The following PPARGC1A variants were observed in gnomAD, a reference collection of about 807,000 sequenced individuals.
The protein encoded by PPARGC1A is PPARG coactivator 1 alpha.
Under a neutral mutation model 88.7 loss-of-function variants are expected in PPARGC1A, and 25 were observed. The ratio of observed to expected loss-of-function variants is 0.28; its 90% CI spans 0.21 to 0.39. The LOEUF (loss-of-function observed/expected upper bound fraction) is 0.39, where lower values mean the gene tolerates loss of function less well. PPARGC1A is among the 10% of genes least tolerant of loss of function. The pLI, the probability that PPARGC1A is intolerant of heterozygous loss-of-function variation, is 1.00. For missense variants in PPARGC1A, 880 were observed against 968.7 expected, an observed-to-expected ratio of 0.91 and a Z score of 1.22; for synonymous variants, 363 against 355.6, an observed-to-expected ratio of 1.02 and a Z score of -0.24.
the PPARGC1A span, among the ~76,000 whole-genome samples, chr4:24,173,454 C>T: frequency 2.0e-5 from 3 of 151,982 alleles, no homozygotes; most frequent in Non-Finnish European, 2.9e-5. Flanking sequence ...TCCAGCTACT[C>T]GGGAGGCTGA....
chr4:23,818,038 T>G (rs1722301018), intron 7 of PPARGC1A, among the ~76,000 whole-genome samples: 1 of 152,170 alleles, frequency 6.6e-6, no homozygotes, highest in Non-Finnish European at 1.5e-5. Context: ...GGGAGGTCAG[T>G]GCTCAATCCC....
the PPARGC1A span, among the ~76,000 whole-genome samples, chr4:24,283,982 T>C: frequency 1.3e-5 from 2 of 152,044 alleles, no homozygotes; most frequent in Non-Finnish European, 1.5e-5. Context: ...GGGAGGCTAC[T>C]TAAAAGGCAT....
the PPARGC1A span, among the ~76,000 whole-genome samples, chr4:24,020,142 G>C: frequency 6.6e-6 from 1 of 152,064 alleles, no homozygotes; most frequent in Non-Finnish European, 1.5e-5. Flanking sequence ...TTTCAAAGAG[G>C]AACTGCAATA....
At chr4:24,290,563 G>A in the PPARGC1A span, among the ~76,000 whole-genome samples, 5 of 152,062 alleles carry the variant, frequency 3.3e-5, no homozygotes, top group East Asian at 7.7e-4. Context: ...TGAACACGGT[G>A]CCATCCCAAA....
At chr4:23,874,281 TTG>T (rs1336346188) in intron 2 of PPARGC1A, among the ~76,000 whole-genome samples, 2 of 152,180 alleles carry the variant, frequency 1.3e-5, no homozygotes, top group Non-Finnish European at 2.9e-5. Context: ...GCTTGGTTGT[TTG>T]TGTTCTGATG....
chr4:24,303,783 A>C, the PPARGC1A span, among the ~76,000 whole-genome samples: 2 of 152,208 alleles, frequency 1.3e-5, no homozygotes, highest in Non-Finnish European at 2.9e-5. Context: ...TGTACAAAAG[A>C]AGAAGAAAAA....
At chr4:24,324,859 C>A in the PPARGC1A span, among the ~76,000 whole-genome samples, 1 of 152,112 alleles carries the variant, frequency 6.6e-6, no homozygotes, top group Admixed American at 6.5e-5. Flanking sequence ...TCTTTATAAT[C>A]TTCCTTTTCT....
the PPARGC1A span, among the ~76,000 whole-genome samples, chr4:24,369,816 G>A: frequency 1.3e-5 from 2 of 152,150 alleles, no homozygotes; most frequent in East Asian, 1.9e-4. Flanking sequence ...CAAGACTTTC[G>A]TGCCCGCCAA....
At chr4:24,316,253 C>T in the PPARGC1A span, among the ~76,000 whole-genome samples, 2 of 152,200 alleles carry the variant, frequency 1.3e-5, no homozygotes, top group Admixed American at 1.3e-4. Context: ...CTTACATGGG[C>T]AGAGACAGCT....
At chr4:24,009,456 T>C in the PPARGC1A span, among the ~76,000 whole-genome samples, 1 of 152,176 alleles carries the variant, frequency 6.6e-6, no homozygotes, top group Non-Finnish European at 1.5e-5. Flanking sequence ...TAGCCCTAAA[T>C]GAAAACTAAT....
the PPARGC1A span, among the ~76,000 whole-genome samples, chr4:24,021,567 T>C: frequency 2.0e-5 from 3 of 152,040 alleles, no homozygotes; most frequent in African/African-American, 7.2e-5. Context: ...AAAAATGTGA[T>C]ACAGTTAGTG....
At chr4:24,310,161 A>G in the PPARGC1A span, among the ~76,000 whole-genome samples, 1 of 152,200 alleles carries the variant, frequency 6.6e-6, no homozygotes, top group Non-Finnish European at 1.5e-5. Context: ...GGCTGTATAC[A>G]CGTGGAGCTC....
intron 7 of PPARGC1A, among the ~76,000 whole-genome samples, chr4:23,817,485 T>C (rs569526851): frequency 6.8e-4 from 103 of 152,252 alleles, no homozygotes; most frequent in Non-Finnish European, 1.2e-3. Context: ...TCGATTTTAA[T>C]AGAAAAGCGC....
At chr4:23,969,045 G>A in the PPARGC1A span, among the ~76,000 whole-genome samples, 1 of 152,264 alleles carries the variant, frequency 6.6e-6, no homozygotes, top group Admixed American at 6.5e-5. Flanking sequence ...AACCCTTCTC[G>A]CCCCACTGGG....
At chr4:24,057,792 T>C in the PPARGC1A span, among the ~76,000 whole-genome samples, 1 of 152,320 alleles carries the variant, frequency 6.6e-6, no homozygotes, top group African/African-American at 2.4e-5. Flanking sequence ...TCAATACAGG[T>C]AGCGAGCTGA....
chr4:24,341,012 A>C, the PPARGC1A span, among the ~76,000 whole-genome samples: 1 of 152,272 alleles, frequency 6.6e-6, no homozygotes, highest in African/African-American at 2.4e-5. Flanking sequence ...CCATCATAGG[A>C]ATGAGCTTCT....
chr4:23,911,855 G>A, the PPARGC1A span, among the ~76,000 whole-genome samples: 1 of 151,918 alleles, frequency 6.6e-6, no homozygotes, highest in East Asian at 1.9e-4. Context: ...TTTTAACTCT[G>A]GGCACACTGT....
the PPARGC1A span, among the ~76,000 whole-genome samples, chr4:24,106,159 C>T: frequency 5.3e-5 from 8 of 152,168 alleles, no homozygotes; most frequent in Non-Finnish European, 1.2e-4. Context: ...AAAAAAGATG[C>T]CCGCAGACTT....
chr4:24,289,219 CAAAA>C, the PPARGC1A span, among the ~76,000 whole-genome samples: 1 of 82,750 alleles, frequency 1.2e-5, no homozygotes, highest in South Asian at 3.9e-4. Context: ...GACTCCGTCT[CAAAA>C]AAAAAAAAAA....
Sources: gnomAD v4.1 joint callset for allele counts (sites outside exome capture counted in the v4.1 genomes callset) on GRCh38, gnomAD v4.1.1 for gene constraint, MANE v1.5 for transcripts, NCBI Gene and HGNC (gene_info 2026-07-23, HGNC 2026-07-21) for gene names.